BRAP: variants seen among roughly 807,000 people sequenced by gnomAD.
The protein encoded by BRAP is BRCA1-associated protein.
In BRAP, 42 loss-of-function variants were observed where a neutral mutation model predicts 73.4. That is an observed-to-expected ratio of 0.57 (90% CI 0.45 to 0.74). BRAP has a LOEUF of 0.74. BRAP is among the 30% of genes least tolerant of loss of function. The pLI is 0.00. For synonymous variants in BRAP, 255 were observed against 267.4 expected (o/e 0.95, Z 0.45); for missense variants, 593 against 751.4 (o/e 0.79, Z 2.46).
At chr12:111,681,583 C>CAAAAAA (rs368877992) in intron 3 of BRAP, 54 bp downstream of exon 3, 47 of 1,119,816 alleles carry the variant, frequency 4.2e-5, no homozygotes, top group African/African-American at 2.2e-4. Flanking sequence ...TAAAGCAAAG[C>CAAAAAA]AAAAAAAAAA....
intron 2 of BRAP, among the ~76,000 whole-genome samples, chr12:111,682,891 A>G (rs973547371): frequency 6.6e-6 from 1 of 152,034 alleles, no homozygotes; most frequent in Admixed American, 6.6e-5. Flanking sequence ...TAGCCTGGGC[A>G]ACAGAGACCC....
At chr12:111,651,101 A>G (rs1351746034) in intron 10 of BRAP, among the ~76,000 whole-genome samples, 2 of 152,138 alleles carry the variant, frequency 1.3e-5, no homozygotes, top group Non-Finnish European at 2.9e-5. Context: ...GTGAACCACA[A>G]GGCAATATAA....
At chr12:111,646,618 C>A (rs1164890871) in intron 11 of BRAP, among the ~76,000 whole-genome samples, 1 of 151,876 alleles carries the variant, frequency 6.6e-6, no homozygotes, top group Non-Finnish European at 1.5e-5. Context: ...ACTAAAAATA[C>A]AAAAATTAGC....
intron 9 of BRAP, among the ~76,000 whole-genome samples, chr12:111,658,075 A>T (rs1045099580): frequency 3.3e-5 from 5 of 151,292 alleles, no homozygotes; most frequent in Non-Finnish European, 5.9e-5. Flanking sequence ...AGTAGCTGGG[A>T]TTACAGACAT....
chr12:111,685,818 C>G lies in BRAP; in HGVS notation c.-26G>C. On this transcript the variant is annotated 5_prime_UTR_variant, in exon 1 of 12. Transcript: ENST00000419234. Reference sequence around the variant, plus strand: ...AGGGCAGGCGCTGGCCGGCGCGGGCCCCGGCGGGCTCAGGCGAGGCTGGAA... The same window carrying G: ...AGGGCAGGCGCTGGCCGGCGCGGGCGCCGGCGGGCTCAGGCGAGGCTGGAA... 6.5e-7 allele frequency: 1 copy of G among 1,531,312 alleles called. No homozygotes were observed. The highest frequency in any genetic ancestry group is 8.8e-7 in the Non-Finnish European group (1 of 1,141,970). The allele number at this position is 1,531,312 out of a possible 1,614,324, so 94.9% of individuals were successfully genotyped here. A position where few individuals can be genotyped will look rare whatever the true frequency, so the allele number is the denominator to read the frequency against.
chr12:111,649,003 A>AAAC (rs554823140), intron 11 of BRAP, among the ~76,000 whole-genome samples: 25 of 151,816 alleles, frequency 1.6e-4, no homozygotes, highest in Middle Eastern at 6.8e-3. Context: ...CCTGTCTCCA[A>AAAC]AACAACAACA....
intron 5 of BRAP, among the ~76,000 whole-genome samples, chr12:111,671,008 G>A (rs531494974): frequency 3.9e-5 from 6 of 151,986 alleles, no homozygotes; most frequent in African/African-American, 1.2e-4. Flanking sequence ...TCTGAGGCAC[G>A]AGAATTGCCT....
chr12:111,651,988 A>C (rs1886344723), intron 10 of BRAP, among the ~76,000 whole-genome samples: 1 of 152,160 alleles, frequency 6.6e-6, no homozygotes, highest in South Asian at 2.1e-4. Flanking sequence ...AAATAGATTT[A>C]AAATCGCTCA....
chr12:111,643,032 A>G lies in BRAP; in HGVS notation c.*1167T>C, dbSNP rs574939731. The G allele has an allele frequency of 3.3e-5, 5 of 152,272 alleles. No homozygotes were observed. The highest frequency in any genetic ancestry group is 1.2e-4 in the African/African-American group (5 of 41,544). The allele number at this position is 152,272 out of a possible 1,614,324, so 9.4% of individuals were successfully genotyped here. ...ATACATCTTACTAACCTATCCCTCT[A>G]CCTCTTCAAGAAACTAAATTCCAAC... is the stretch of plus-strand genomic sequence containing the variant. On this transcript the variant is annotated 3_prime_UTR_variant, in exon 12 of 12. Transcript: ENST00000419234.
intron 9 of BRAP, 78 bp downstream of exon 9, chr12:111,658,658 G>A: frequency 8.4e-7 from 1 of 1,183,484 alleles, no homozygotes; most frequent in Admixed American, 2.3e-5. Context: ...GTACATCCAG[G>A]TAAATGACAA....
Position 111,660,454 on chromosome 12 carries a change from A to G in BRAP, c.972+146T>C, listed in dbSNP as rs1886703394. On this transcript the variant is annotated intron_variant, in intron 7 of 11. Transcript: ENST00000419234. ...CGCTCGAGGCCAGGAGTTCGAGACC[A>G]GCCTGGGCAACACAGTAAGCCCTGT... The G allele has an allele frequency of 5.0e-6, 3 of 600,236 alleles. No homozygotes were observed. In the East Asian group the frequency reaches 1.4e-4, roughly 27 times the overall value. 37.2% of individuals were successfully genotyped at this position (600,236 alleles called of 1,614,324 possible).
At chr12:111,652,128 C>T (rs1886349971) in intron 10 of BRAP, among the ~76,000 whole-genome samples, 1 of 152,102 alleles carries the variant, frequency 6.6e-6, no homozygotes, top group Non-Finnish European at 1.5e-5. Context: ...AAATTACTAT[C>T]CTAAGGAACC....
chr12:111,660,402 C>T (rs1283846807), intron 7 of BRAP, among the ~76,000 whole-genome samples, 198 bp downstream of exon 7: 1 of 151,946 alleles, frequency 6.6e-6, no homozygotes, highest in Non-Finnish European at 1.5e-5. Flanking sequence ...GCAATCCCAG[C>T]ACTATGGGTG....
At chr12:111,664,589 T>G (rs1886869541) in intron 6 of BRAP, among the ~76,000 whole-genome samples, 1 of 152,166 alleles carries the variant, frequency 6.6e-6, no homozygotes, top group Non-Finnish European at 1.5e-5. Context: ...AGACCCAGTT[T>G]ATTTATGTGC....
Position 111,685,870 on chromosome 12 carries a change from G to A in BRAP, c.-78C>T. 9.0e-7 allele frequency: 1 copy of A among 1,115,074 alleles called. No individual in the cohort carries two copies. The highest frequency in any genetic ancestry group is 1.2e-6 in the Non-Finnish European group (1 of 849,096). 69.1% of individuals were successfully genotyped at this position (1,115,074 alleles called of 1,614,324 possible). On this transcript the variant is annotated 5_prime_UTR_variant, in exon 1 of 12. Transcript: ENST00000419234. ...GCGAGCCGAGAGGCCGAGCGGCCCG[G>A]GGCCGGCAGCGCCGCCACCACCTCA...
intron 5 of BRAP, among the ~76,000 whole-genome samples, chr12:111,667,698 C>CAAAAAAAAAAAAAA (rs565349424): frequency 0.011 from 242 of 21,284 alleles, 49 homozygotes; most frequent in African/African-American, 0.024. Flanking sequence ...AACTCCGTCT[C>CAAAAAAAAAAAAAA]AAAAAAAAAA....
chr12:111,685,520 G>A (rs915898556), intron 1 of BRAP, 191 bp downstream of exon 1: 6 of 1,295,190 alleles, frequency 4.6e-6, no homozygotes, highest in Admixed American at 6.8e-5. Context: ...TTCGGGGCAG[G>A]GCTTCCCTGA....
intron 10 of BRAP, among the ~76,000 whole-genome samples, chr12:111,652,647 CAGA>C (rs752029327): frequency 1.3e-5 from 2 of 152,178 alleles, no homozygotes; most frequent in East Asian, 1.9e-4. Flanking sequence ...AGGGCCGTGG[CAGA>C]AGGTTTGCTT....
In BRAP at chr12:111,681,631, T is replaced by C; in HGVS notation, c.443+6A>G. Reference sequence around the variant, plus strand: ...ACTAACCCCCAAGAAAAGAGGGTTTTCTTACTTTGTCTTATATAGGTGCAT... The same window carrying C: ...ACTAACCCCCAAGAAAAGAGGGTTTCCTTACTTTGTCTTATATAGGTGCAT... On this transcript the variant is annotated splice_donor_region_variant and intron_variant, in intron 3 of 11. Coordinates refer to ENST00000419234, the MANE Select transcript of BRAP (RefSeq NM_006768.5). 6.3e-7 allele frequency: 1 copy of C among 1,577,896 alleles called. No individual in the cohort carries two copies. Among genetic ancestry groups the C allele is most frequent in the Non-Finnish European group, 8.6e-7 (1 of 1,164,560 alleles).
Sources: allele counts gnomAD v4.1 joint callset (sites outside exome capture counted in the v4.1 genomes callset), GRCh38; gene constraint gnomAD v4.1.1; transcripts MANE v1.5; gene names NCBI Gene and HGNC (gene_info 2026-07-23, HGNC 2026-07-21).